Variants in KIF27 observed in about 807,000 individuals in gnomAD.
The protein encoded by KIF27 is kinesin-like protein KIF27.
In KIF27, 84 loss-of-function variants were observed where a neutral mutation model predicts 141.8. The ratio of observed to expected loss-of-function variants is 0.59; its 90% CI spans 0.50 to 0.71. The LOEUF is 0.71. Among genes scored for constraint, KIF27 ranks in the 30% least tolerant of loss-of-function variants. KIF27 has a pLI of 0.00. For synonymous variants in KIF27, 471 were observed against 569.5 expected, an observed-to-expected ratio of 0.83 and a Z score of 2.46; for missense variants, 1,306 against 1,628.4, an observed-to-expected ratio of 0.80 and a Z score of 3.41.
At chr9:83,908,734 TTAC>T (rs1954833654) in intron 2 of KIF27, 82 bp from the exon 3 acceptor site, 3 of 812,978 alleles carry the variant, frequency 3.7e-6, no homozygotes, top group Non-Finnish European at 5.7e-6. Context: ...TTAATTTATT[TTAC>T]TACATTTCTA....
intron 13 of KIF27, among the ~76,000 whole-genome samples, chr9:83,865,306 C>CT (rs1009789424): frequency 1.1e-4 from 16 of 151,574 alleles, no homozygotes; most frequent in Admixed American, 9.2e-4. Flanking sequence ...TCCTCTGACC[C>CT]TTTTTTTTGA....
intron 2 of KIF27, among the ~76,000 whole-genome samples, chr9:83,914,288 A>T (rs1315594909): frequency 6.6e-6 from 1 of 151,636 alleles, no homozygotes; most frequent in East Asian, 1.9e-4. Context: ...TTATTGTAAG[A>T]CGCTGAAACA....
At chr9:83,915,730 A>C (rs1955615925) in intron 1 of KIF27, 52 bp from the exon 2 acceptor site, 1 of 786,898 alleles carries the variant, frequency 1.3e-6, no homozygotes, top group African/African-American at 1.7e-5. Flanking sequence ...CTTGTATCCC[A>C]ATAAACTAAC....
chr9:83,870,468 C>A (rs1564342006), intron 12 of KIF27, 51 bp downstream of exon 12: 1 of 1,605,480 alleles, frequency 6.2e-7, no homozygotes, highest in Non-Finnish European at 8.5e-7. Context: ...TCTATTTAGA[C>A]AACCATCAGA....
At chr9:83,888,017 C>A (rs1418690936) in intron 8 of KIF27, among the ~76,000 whole-genome samples, 6 of 73,894 alleles carry the variant, frequency 8.1e-5, no homozygotes, top group Admixed American at 5.3e-4. Flanking sequence ...CACAGTGGCT[C>A]ATGCCTGTAA....
chr9:83,850,548 G>A (rs1948431482), intron 15 of KIF27, among the ~76,000 whole-genome samples: 1 of 151,970 alleles, frequency 6.6e-6, no homozygotes, highest in South Asian at 2.1e-4. Flanking sequence ...GGGAGGCTGA[G>A]GTGGGGGGGA....
intron 13 of KIF27, among the ~76,000 whole-genome samples, chr9:83,866,886 A>G (rs1263133174): frequency 2.0e-5 from 3 of 152,050 alleles, no homozygotes; most frequent in Non-Finnish European, 4.4e-5. Context: ...TATATAATTC[A>G]ATGGTTTTTC....
Position 83,842,287 on chromosome 9 carries a change from A to C in KIF27, c.3671T>G (p.Leu1224Arg). ...AATTGCTTCCCCTACCAGTTCCTTA[A>C]GTTTCTTCTTATGATCCCGGCTGGT... The part of the protein sequence containing the change: ...KKTSRDHKKK[L>R]KELVGEAIRR... The change falls in exon 17 of 18, where the codon CTT becomes CGT. Residue 1224 changes from leucine to arginine, a missense_variant. Around this residue, in one of 4 missense-constraint regions of KIF27, gnomAD observed 148 missense variants for 250.9 expected, o/e 0.59. Transcript: ENST00000297814. 3.2e-6 allele frequency: 5 copies of C among 1,568,338 alleles called. No individual in the cohort carries two copies. The highest frequency in any genetic ancestry group is 4.3e-6 in the Non-Finnish European group (5 of 1,165,028).
intron 1 of KIF27, among the ~76,000 whole-genome samples, chr9:83,918,014 AAAT>A (rs1564024877): frequency 6.6e-6 from 1 of 152,224 alleles, no homozygotes; most frequent in Non-Finnish European, 1.5e-5. Context: ...TGTCAAACAA[AAAT>A]AATAATAAAA....
At chr9:83,877,482 A>G (rs1187161600) in intron 11 of KIF27, among the ~76,000 whole-genome samples, 1 of 152,210 alleles carries the variant, frequency 6.6e-6, no homozygotes, top group Non-Finnish European at 1.5e-5. Flanking sequence ...AATGTGGACC[A>G]CTACTTCACA....
intron 14 of KIF27, among the ~76,000 whole-genome samples, chr9:83,857,692 T>C (rs2131828330): frequency 6.6e-6 from 1 of 152,370 alleles, no homozygotes; most frequent in African/African-American, 2.4e-5. Flanking sequence ...TCTTCAAAGA[T>C]GTTCTGTCTA....
chr9:83,842,263 A>C lies in KIF27; in HGVS notation c.3695T>G (p.Ile1232Ser). The C allele has an allele frequency of 6.4e-7, 1 of 1,565,192 alleles. No individual in the cohort carries two copies. Among genetic ancestry groups the C allele is most frequent in the Non-Finnish European group, 8.6e-7 (1 of 1,163,734 alleles). Residue 1232 changes from isoleucine to serine, a missense_variant, in exon 17 of 18, where the codon ATT becomes AGT. Ile to Ser is a moderately radical substitution (Grantham distance 142, BLOSUM62 -2). Coordinates refer to ENST00000297814, the MANE Select transcript of KIF27 (RefSeq NM_017576.4). ...CTCTGATGGTGCTAGTTGCCGCCGA[A>C]TTGCTTCCCCTACCAGTTCCTTAAG... ...KKLKELVGEA[I>S]RRQLAPSEYQ...
chr9:83,853,781 T>C lies in KIF27; in HGVS notation c.3205A>G (p.Ile1069Val), dbSNP rs767645576. The part of the protein sequence containing the change: ...EEGIEALEAA[I>V]EYRNESIQNR... ...TGGATACTTTCATTCCTGTATTCAA[T>C]TGCAGCTTCCAAAGCTTCAATCCCT... is the stretch of plus-strand genomic sequence containing the variant. Residue 1069 changes from isoleucine to valine, a missense_variant, in exon 15 of 18, where the codon ATT becomes GTT. Coordinates refer to ENST00000297814, the MANE Select transcript of KIF27 (RefSeq NM_017576.4). 1.9e-6 allele frequency: 3 copies of C among 1,613,780 alleles called. No homozygotes were observed. The highest frequency in any genetic ancestry group is 2.5e-6 in the Non-Finnish European group (3 of 1,179,752).
intron 3 of KIF27, 52 bp downstream of exon 3, chr9:83,908,400 T>G (rs780226049): frequency 2.2e-5 from 24 of 1,068,796 alleles, no homozygotes; most frequent in Middle Eastern, 2.1e-4. Context: ...ATTAAAGCAT[T>G]AAAGCATGTC....
chr9:83,840,643 G>GT (rs1419097248), intron 17 of KIF27, among the ~76,000 whole-genome samples: 1 of 152,062 alleles, frequency 6.6e-6, no homozygotes, highest in African/African-American at 2.4e-5. Flanking sequence ...GTGGTCTTAT[G>GT]TTGACTATTT....
intron 1 of KIF27, among the ~76,000 whole-genome samples, chr9:83,920,564 G>T (rs368340276): frequency 7.0e-4 from 107 of 152,260 alleles, no homozygotes; most frequent in African/African-American, 2.6e-3. Flanking sequence ...TGTCTTAAAT[G>T]TGTGGTTTGT....
chr9:83,891,481 T>C lies in KIF27; in HGVS notation c.1623A>G (p.Gln541=). 4 of 1,612,502 alleles carry C rather than the reference T, an allele frequency of 2.5e-6. No homozygotes were observed. Among genetic ancestry groups the C allele is most frequent in the South Asian group, 1.1e-5 (1 of 90,926 alleles). The change falls in exon 6 of 18, where the codon CAA becomes CAG. Residue 541 remains glutamine, a synonymous_variant. Transcript: ENST00000297814. ...NRLQNEKIIE[Q]QLLVDQLSEE... is the part of the protein sequence containing the mutation. The stretch of plus-strand genomic sequence containing the variant: ...CACTCAGTTGATCCACAAGAAGTTG[T>C]TGTTCTATTATTTTTTCATTCTTTG...
Position 83,889,273 on chromosome 9 carries a change from C to T in KIF27, c.1810-20G>A, listed in dbSNP as rs1369789531. On this transcript the variant is annotated intron_variant, in intron 6 of 17. Coordinates refer to ENST00000297814, the MANE Select transcript of KIF27 (RefSeq NM_017576.4). The stretch of plus-strand genomic sequence containing the variant: ...GTGGACCTTGCAAGTGATTCCCCCA[C>T]CCAACAACAAAAAAAGTGATATTTT... 6.4e-7 allele frequency: 1 copy of T among 1,559,800 alleles called. No homozygotes were observed. The highest frequency in any genetic ancestry group is 8.7e-7 in the Non-Finnish European group (1 of 1,149,096).
chr9:83,913,943 A>T (rs10125715), intron 2 of KIF27, among the ~76,000 whole-genome samples: 48,305 of 151,850 alleles, frequency 0.32, 8,296 homozygotes, highest in African/African-American at 0.46. Flanking sequence ...TCTTTAATTT[A>T]AAAAAAGTAG....
Sources: gnomAD v4.1 joint callset for allele counts (sites outside exome capture counted in the v4.1 genomes callset) on GRCh38, gnomAD v4.1.1 for gene constraint, gnomAD v4.1.1 regional missense constraint, MANE v1.5 for transcripts, NCBI Gene and HGNC (gene_info 2026-07-23, HGNC 2026-07-21) for gene names.